ARL15: variants seen among roughly 807,000 people sequenced by gnomAD.
The protein encoded by ARL15 is ADP-ribosylation factor-like protein 15.
Under a neutral mutation model 25.2 loss-of-function variants are expected in ARL15, and 19 were observed. The observed-to-expected ratio is 0.75, with a 90% CI of 0.53 to 1.10. ARL15 has a LOEUF of 1.10. ARL15 is among the 50% of genes least tolerant of loss of function. The pLI is 0.00. For missense variants in ARL15, 220 were observed against 246.0 expected, an observed-to-expected ratio of 0.89 and a Z score of 0.71; for synonymous variants, 94 against 86.8, an observed-to-expected ratio of 1.08 and a Z score of -0.46.
At chr5:54,016,760 T>C (rs1175706538) in intron 4 of ARL15, among the ~76,000 whole-genome samples, 1 of 152,250 alleles carries the variant, frequency 6.6e-6, no homozygotes, top group East Asian at 1.9e-4. Context: ...CTCCTCATGC[T>C]ACATTTTACA....
intron 4 of ARL15, among the ~76,000 whole-genome samples, chr5:53,972,988 A>G (rs1747801767): frequency 6.6e-6 from 1 of 152,140 alleles, no homozygotes; most frequent in Non-Finnish European, 1.5e-5. Flanking sequence ...ATTACTTTTT[A>G]CTCTATCATA....
chr5:53,946,864 T>C (rs897869628), intron 4 of ARL15, among the ~76,000 whole-genome samples: 4 of 152,198 alleles, frequency 2.6e-5, no homozygotes, highest in Admixed American at 2.6e-4. Flanking sequence ...TGGCTTTTTA[T>C]GCCTGGGAGG....
chr5:54,212,834 G>T (rs981714), intron 1 of ARL15, among the ~76,000 whole-genome samples: 5 of 152,036 alleles, frequency 3.3e-5, no homozygotes, highest in Non-Finnish European at 2.9e-5. Flanking sequence ...GTGATTTAAT[G>T]GGGGGGAGAT....
chr5:54,083,614 C>A (rs1046617618), intron 4 of ARL15, among the ~76,000 whole-genome samples: 1 of 152,106 alleles, frequency 6.6e-6, no homozygotes, highest in African/African-American at 2.4e-5. Flanking sequence ...CATTTAGGTT[C>A]TTTTAGGAAT....
At chr5:53,962,674 T>C (rs1256197783) in intron 4 of ARL15, among the ~76,000 whole-genome samples, 1 of 152,116 alleles carries the variant, frequency 6.6e-6, no homozygotes, top group African/African-American at 2.4e-5. Context: ...TAATTCATAG[T>C]AGTGTTCTAG....
chr5:54,080,413 C>G (rs1751759382), intron 4 of ARL15, among the ~76,000 whole-genome samples: 1 of 152,068 alleles, frequency 6.6e-6, no homozygotes, highest in Non-Finnish European at 1.5e-5. Context: ...TCAAAGATGC[C>G]TTTGGGGATG....
At chr5:54,286,161 C>T (rs1432783984) in intron 1 of ARL15, 2 of 151,826 alleles carry the variant, frequency 1.3e-5, no homozygotes, top group African/African-American at 4.8e-5. Flanking sequence ...GATTTGTTTA[C>T]AAAATGTAGA....
chr5:54,049,954 A>G (rs1750655997), intron 4 of ARL15, among the ~76,000 whole-genome samples: 1 of 152,130 alleles, frequency 6.6e-6, no homozygotes, highest in African/African-American at 2.4e-5. Context: ...AGTTTAAGCC[A>G]CCATTTGTTG....
chr5:54,104,969 G>C (rs1050925775), intron 4 of ARL15, among the ~76,000 whole-genome samples: 11 of 151,854 alleles, frequency 7.2e-5, no homozygotes, highest in Non-Finnish European at 2.9e-5. Flanking sequence ...AAATCCAACA[G>C]ATTAACCCTT....
chr5:54,265,513 G>A (rs10038691), intron 1 of ARL15, among the ~76,000 whole-genome samples: 3 of 152,116 alleles, frequency 2.0e-5, no homozygotes, highest in African/African-American at 7.2e-5. Flanking sequence ...TCCATGAGCT[G>A]TATTCAGGCA....
At chr5:53,952,324 A>G (rs1747002654) in intron 4 of ARL15, among the ~76,000 whole-genome samples, 1 of 152,158 alleles carries the variant, frequency 6.6e-6, no homozygotes, top group Non-Finnish European at 1.5e-5. Flanking sequence ...TGCACAGACA[A>G]TAACTGTTTT....
chr5:54,106,264 T>G (rs1160298778), intron 4 of ARL15, among the ~76,000 whole-genome samples: 3 of 152,020 alleles, frequency 2.0e-5, no homozygotes, highest in East Asian at 3.9e-4. Flanking sequence ...ACAGGTCAGG[T>G]TTGGTGTTTC....
chr5:54,190,589 A>C (rs1289081029), intron 1 of ARL15, among the ~76,000 whole-genome samples: 2 of 152,318 alleles, frequency 1.3e-5, no homozygotes, highest in East Asian at 3.9e-4. Context: ...TTCACATGGC[A>C]GAAGACAGAA....
chr5:54,301,138 T>C (rs1341086861), intron 1 of ARL15, among the ~76,000 whole-genome samples: 5 of 152,226 alleles, frequency 3.3e-5, no homozygotes, highest in South Asian at 2.1e-4. Context: ...TGTGCTACTC[T>C]AGCCGTCTTT....
intron 4 of ARL15, among the ~76,000 whole-genome samples, chr5:53,932,511 A>C (rs1746223837): frequency 6.6e-6 from 1 of 152,210 alleles, no homozygotes; most frequent in South Asian, 2.1e-4. Context: ...CAAGGAAGAA[A>C]AAAACCTTCT....
chr5:54,193,971 T>A (rs776111143), intron 1 of ARL15, among the ~76,000 whole-genome samples: 16 of 152,140 alleles, frequency 1.1e-4, no homozygotes, highest in Non-Finnish European at 2.1e-4. Flanking sequence ...TGATATTAAA[T>A]ACAGTTATTT....
intron 1 of ARL15, among the ~76,000 whole-genome samples, chr5:54,222,974 T>TTG (rs1756419327): frequency 7.1e-6 from 1 of 140,336 alleles, no homozygotes; most frequent in Non-Finnish European, 1.5e-5. Flanking sequence ...CACGCGTCAC[T>TTG]ATGCCTGGAT....
intron 3 of ARL15, among the ~76,000 whole-genome samples, chr5:54,133,318 C>T (rs533409952): frequency 4.6e-5 from 7 of 152,166 alleles, no homozygotes; most frequent in South Asian, 2.1e-4. Flanking sequence ...ATTAAAGAGT[C>T]GAAGTTCCAC....
intron 4 of ARL15, among the ~76,000 whole-genome samples, chr5:54,036,374 T>A (rs868825150): frequency 2.6e-5 from 4 of 152,208 alleles, no homozygotes; most frequent in Non-Finnish European, 4.4e-5. Flanking sequence ...ATATGTTAAA[T>A]AGAAATGCTT....
Sources: gnomAD v4.1 joint callset for allele counts (sites outside exome capture counted in the v4.1 genomes callset) on GRCh38, gnomAD v4.1.1 for gene constraint, MANE v1.5 for transcripts, NCBI Gene and HGNC (gene_info 2026-07-23, HGNC 2026-07-21) for gene names.